KISS1: variants seen among roughly 807,000 people sequenced by gnomAD.
KISS1 encodes KiSS-1 metastasis suppressor, also known as metastasis-suppressor KiSS-1.
For missense variants in KISS1, 182 were observed against 182.7 expected, an observed-to-expected ratio of 1.00 and a Z score of 0.02; for synonymous variants, 97 against 88.7, an observed-to-expected ratio of 1.09 and a Z score of -0.52.
chr1:204,195,197 C>CATATACACACATACACCCATA (rs1558254530), intron 1 of KISS1, among the ~76,000 whole-genome samples: 1 of 18,504 alleles, frequency 5.4e-5, no homozygotes. Context: ...CACACACACA[C>CATATACACACATACACCCATA]CACACACATA....
chr1:204,192,145 A>G lies in KISS1; in HGVS notation c.103+629T>C, dbSNP rs1462915255. The stretch of plus-strand genomic sequence containing the variant: ...CTAGTTTGCCCAGAAAGCTGACACC[A>G]GGAAGTGTGCCAAGCCACAGCTCCT... On this transcript the variant is annotated intron_variant, in intron 2 of 2. Coordinates refer to ENST00000367194, the MANE Select transcript of KISS1 (RefSeq NM_002256.4). The surrounding 1 kb of genome is among the most constrained non-coding windows in gnomAD (Gnocchi z 4.2). Among the ~76,000 whole-genome samples, 2 of 152,176 alleles carry G rather than the reference A, an allele frequency of 1.3e-5. No homozygotes were observed. The highest frequency in any genetic ancestry group is 4.8e-5 in the African/African-American group (2 of 41,442).
Position 204,190,430 on chromosome 1 carries a change from C to CCCCCCCT in KISS1, c.*53_*54insAGGGGGG. 2.8e-6 allele frequency: 3 copies of CCCCCCCT among 1,079,960 alleles called. No homozygotes were observed. Among genetic ancestry groups the CCCCCCCT allele is most frequent in the South Asian group, 1.3e-5 (1 of 75,054 alleles). 66.9% of individuals were successfully genotyped at this position (1,079,960 alleles called of 1,614,324 possible). On this transcript the variant is annotated 3_prime_UTR_variant, in exon 3 of 3. Coordinates refer to ENST00000367194, the MANE Select transcript of KISS1 (RefSeq NM_002256.4). The stretch of plus-strand genomic sequence containing the variant: ...TACGTCCCCGCCCCCCGCCCCCGCC[C>CCCCCCCT]CGCATGCTCTGACTCCTTTGGGGTC...
rs1658724424 is a variant in KISS1 at position 204,190,725 on chromosome 1, G to A, written c.176C>T (p.Ala59Val). The A allele has an allele frequency of 6.2e-7, 1 of 1,609,626 alleles. No homozygotes were observed. The highest frequency in any genetic ancestry group is 1.1e-5 in the South Asian group (1 of 90,202). Residue 59 changes from alanine (A) to valine (V), a missense_variant, in exon 3 of 3, where the codon GCT becomes GTT. Physicochemically the swap from Ala to Val is moderately conservative, Grantham distance 64. Transcript: ENST00000367194. ...QSLPCTERKP[A>V]ATARLSRRGT... Reference sequence around the variant, plus strand: ...CCGACGGCTCAGCCTGGCAGTAGCAGCTGGCTTCCTCTCGGTGCACGGCAG... The same window carrying A: ...CCGACGGCTCAGCCTGGCAGTAGCAACTGGCTTCCTCTCGGTGCACGGCAG...
At chr1:204,193,740 G>T (rs770385054) in intron 1 of KISS1, among the ~76,000 whole-genome samples, 2 of 152,098 alleles carry the variant, frequency 1.3e-5, no homozygotes, top group Non-Finnish European at 2.9e-5. Context: ...TGGCTGCTGA[G>T]ATGGGAGCCG....
chr1:204,193,587 C>G (rs1285893251), intron 1 of KISS1, among the ~76,000 whole-genome samples: 1 of 152,128 alleles, frequency 6.6e-6, no homozygotes, highest in African/African-American at 2.4e-5. Flanking sequence ...CCCTTCACAG[C>G]CTTGAAGACG....
rs1165277536 is a variant in KISS1, at chr1:204,190,650, G to A, written c.251C>T (p.Pro84Leu). The change falls in exon 3 of 3, where the codon CCG (proline) becomes CTG (leucine). Residue 84 changes from proline (P) to leucine (L), a missense_variant. Physicochemically the swap from Pro to Leu is moderately conservative, Grantham distance 98. Coordinates refer to ENST00000367194, the MANE Select transcript of KISS1 (RefSeq NM_002256.4). ...GCGGCTGTGGGGGGCGGACAGGCCC[G>A]GCTGCTGGGGGCTCCCGGAGCTCTC... ...PPESSGSPQQ[P>L]GLSAPHSRQI... 1 of 1,583,502 alleles carries A rather than the reference G, an allele frequency of 6.3e-7. No individual in the cohort carries two copies. Among genetic ancestry groups the A allele is most frequent in the South Asian group, 1.1e-5 (1 of 87,434 alleles).
At chr1:204,195,220 C>CCACACACA (rs1558254588) in intron 1 of KISS1, among the ~76,000 whole-genome samples, 6 of 1,714 alleles carry the variant, frequency 3.5e-3, no homozygotes, top group Admixed American at 6.2e-3. Context: ...TACGCACACA[C>CCACACACA]CCATACACAT....
chr1:204,194,094 C>G (rs1200172926), intron 1 of KISS1, among the ~76,000 whole-genome samples: 2 of 152,178 alleles, frequency 1.3e-5, no homozygotes, highest in African/African-American at 4.8e-5. Flanking sequence ...CCCCACCCCC[C>G]ATTCCTCACC....
At chr1:204,195,185 TG>T (rs1658815703) in intron 1 of KISS1, among the ~76,000 whole-genome samples, 1 of 4,808 alleles carries the variant, frequency 2.1e-4, no homozygotes, top group Admixed American at 2.5e-3. Flanking sequence ...ACACCACACA[TG>T]CACACACACA....
At chr1:204,191,940 C>T (rs1658750324) in intron 2 of KISS1, among the ~76,000 whole-genome samples, 1 of 152,200 alleles carries the variant, frequency 6.6e-6, no homozygotes, top group South Asian at 2.1e-4. Context: ...TAGCCTCCCT[C>T]ACCCAGAAAA....
chr1:204,194,239 A>T (rs1658797344), intron 1 of KISS1, among the ~76,000 whole-genome samples: 1 of 152,188 alleles, frequency 6.6e-6, no homozygotes, highest in African/African-American at 2.4e-5. Context: ...TCCAGACCTC[A>T]TTGGTCCATC....
At chr1:204,191,977 G>A (rs536605966) in intron 2 of KISS1, among the ~76,000 whole-genome samples, 6 of 152,304 alleles carry the variant, frequency 3.9e-5, no homozygotes, top group East Asian at 1.9e-4. Context: ...CAGAAGACAC[G>A]CTTGGCAAAC....
chr1:204,190,409 T>TTGGCCCCCCCCC lies in KISS1; in HGVS notation c.*74_*75insGGGGGGGGGCCA. The TTGGCCCCCCCCC allele has an allele frequency of 3.5e-6, 2 of 570,140 alleles. No individual in the cohort carries two copies. Among genetic ancestry groups the TTGGCCCCCCCCC allele is most frequent in the East Asian group, 3.7e-5 (1 of 26,790 alleles). 35.3% of individuals were successfully genotyped at this position (570,140 alleles called of 1,614,324 possible). On this transcript the variant is annotated 3_prime_UTR_variant, in exon 3 of 3. Coordinates refer to ENST00000367194, the MANE Select transcript of KISS1 (RefSeq NM_002256.4). Reference sequence around the variant, plus strand: ...CAGCGCCCCCTCCCTTAGCCCTACGTCCCCGCCCCCCGCCCCCGCCCCGCA... The same window carrying TTGGCCCCCCCCC: ...CAGCGCCCCCTCCCTTAGCCCTACGTTGGCCCCCCCCCCCCCGCCCCCCGCCCCCGCCCCGCA...
chr1:204,195,405 ACG>A, intron 1 of KISS1, among the ~76,000 whole-genome samples: 1 of 100,738 alleles, frequency 9.9e-6, no homozygotes, highest in Non-Finnish European at 2.1e-5. Flanking sequence ...CACACCACAC[ACG>A]CACACACACC....
At chr1:204,195,245 C>CACACA (rs1558254645) in intron 1 of KISS1, among the ~76,000 whole-genome samples, 20 of 54,048 alleles carry the variant, frequency 3.7e-4, no homozygotes, top group East Asian at 5.4e-4. Context: ...ACGCATACAC[C>CACACA]CATACACACA....
Position 204,190,614 on chromosome 1 carries a change from G to A in KISS1, c.287C>T (p.Ala96Val), listed in dbSNP as rs755431201. The A allele has an allele frequency of 3.8e-6, 6 of 1,589,006 alleles. No individual in the cohort carries two copies. The African/African-American group carries it at 4.0e-5, about 11-fold the overall frequency. The change falls in exon 3 of 3, where the codon GCA becomes GTA. Residue 96 changes from alanine to valine, a missense_variant. Coordinates refer to ENST00000367194, the MANE Select transcript of KISS1 (RefSeq NM_002256.4). The part of the protein sequence containing the change: ...LSAPHSRQIP[A>V]PQGAVLVQRE... ...CTGCACCAGCACCGCGCCCTGGGGT[G>A]CGGGGATCTGGCGGCTGTGGGGGGC...
At chr1:204,191,679 G>A (rs1282747239) in intron 2 of KISS1, among the ~76,000 whole-genome samples, 5 of 152,246 alleles carry the variant, frequency 3.3e-5, no homozygotes, top group African/African-American at 4.8e-5. Flanking sequence ...CTGCTCCTCC[G>A]TGCCCTGGCA....
intron 1 of KISS1, among the ~76,000 whole-genome samples, chr1:204,196,134 G>C (rs1348480002): frequency 6.6e-6 from 1 of 152,230 alleles, no homozygotes. Flanking sequence ...CACAGCAAGA[G>C]AGAGCCCTCG....
chr1:204,190,830 G>C (rs757702575), intron 2 of KISS1, 33 bp from the exon 3 acceptor site: 3 of 1,577,488 alleles, frequency 1.9e-6, no homozygotes, highest in Non-Finnish European at 1.7e-6. Flanking sequence ...ATGAGGCCGG[G>C]GTCCGGGAAA....
Sources: allele counts gnomAD v4.1 joint callset (sites outside exome capture counted in the v4.1 genomes callset), GRCh38; gene constraint gnomAD v4.1.1; non-coding constraint Gnocchi (gnomAD v3.1); transcripts MANE v1.5; gene names NCBI Gene and HGNC (gene_info 2026-07-23, HGNC 2026-07-21).